Variants in SLC38A7 observed in about 807,000 individuals in gnomAD.
SLC38A7 encodes the protein sodium-coupled neutral amino acid transporter 7.
In SLC38A7, 29 loss-of-function variants were observed where a neutral mutation model predicts 50.1. The ratio of observed to expected loss-of-function variants is 0.58; its 90% CI spans 0.43 to 0.79. The LOEUF (loss-of-function observed/expected upper bound fraction) is 0.79, where lower values mean the gene tolerates loss of function less well. Ranked by LOEUF, SLC38A7 falls within the 30% of genes least tolerant of loss-of-function variation. SLC38A7 has a pLI of 0.00. For missense variants in SLC38A7, 483 were observed against 610.6 expected, an observed-to-expected ratio of 0.79 and a Z score of 2.20; for synonymous variants, 244 against 245.9, an observed-to-expected ratio of 0.99 and a Z score of 0.07.
chr16:58,678,879 T>C lies in SLC38A7; in HGVS notation c.286A>G (p.Ile96Val), dbSNP rs775089580. The change falls in exon 4 of 12, where the codon ATC becomes GTC. Residue 96 changes from isoleucine (I) to valine (V), a missense_variant. Physicochemically the swap from Ile to Val is conservative, Grantham distance 29. Coordinates refer to ENST00000219320, the MANE Select transcript of SLC38A7 (RefSeq NM_018231.3). The surrounding 1 kb of genome is among the most constrained non-coding windows in gnomAD (Gnocchi z 4.0). ...IALQMGMLVFIISGLVILAYC... is the reference protein window; with the variant it reads ...IALQMGMLVFVISGLVILAYC... Reference sequence around the variant, plus strand: ...GCCAGGATGACAAGGCCACTGATGATGAAAACCAGCATACCCTGCAGGCAG... The same window carrying C: ...GCCAGGATGACAAGGCCACTGATGACGAAAACCAGCATACCCTGCAGGCAG... The C allele has an allele frequency of 1.9e-6, 3 of 1,613,446 alleles. No individual in the cohort carries two copies. In the African/African-American group the frequency reaches 4.0e-5, roughly 22 times the overall value.
At position 58,678,253 on chromosome 16, in the gene SLC38A7, G is replaced by C; in HGVS notation, c.611+80C>G. On this transcript the variant is annotated intron_variant, in intron 5 of 11. Coordinates refer to ENST00000219320, the MANE Select transcript of SLC38A7 (RefSeq NM_018231.3). The surrounding 1 kb of genome is among the most constrained non-coding windows in gnomAD (Gnocchi z 4.0). Reference sequence around the variant, plus strand: ...CCCCAAGGTGAGGTGGCATGGAGGAGCAGGGTTCCCCAGGAGCCCTTGGGT... The same window carrying C: ...CCCCAAGGTGAGGTGGCATGGAGGACCAGGGTTCCCCAGGAGCCCTTGGGT... 1 of 1,422,446 alleles carries C rather than the reference G, an allele frequency of 7.0e-7. No individual in the cohort carries two copies. Among genetic ancestry groups the C allele is most frequent in the Non-Finnish European group, 9.3e-7 (1 of 1,075,786 alleles). The allele number at this position is 1,422,446 out of a possible 1,614,324, so 88.1% of individuals were successfully genotyped here.
chr16:58,670,893 G>T, intron 10 of SLC38A7, 152 bp downstream of exon 10: 1 of 788,782 alleles, frequency 1.3e-6, no homozygotes, highest in Non-Finnish European at 2.1e-6. Context: ...GATAATGCTT[G>T]GATAGGGGCT....
intron 8 of SLC38A7, among the ~76,000 whole-genome samples, chr16:58,672,638 C>T (rs563264845): frequency 2.6e-5 from 4 of 152,214 alleles, no homozygotes; most frequent in Admixed American, 6.5e-5. Context: ...TCTCACATCA[C>T]GCTGTCTTAT....
At chr16:58,673,455 C>T (rs1034136185) in intron 8 of SLC38A7, among the ~76,000 whole-genome samples, 4 of 151,928 alleles carry the variant, frequency 2.6e-5, no homozygotes, top group African/African-American at 4.8e-5. Flanking sequence ...AGGCTGGTCT[C>T]GAACTCCTGA....
At chr16:58,684,284 C>T (rs146807074) in intron 1 of SLC38A7, 106 bp from the exon 2 acceptor site, 1,808 of 152,528 alleles carry the variant, frequency 0.012, 15 homozygotes, top group Non-Finnish European at 0.017. Context: ...CATGCTCAGG[C>T]CAGCGATGTA....
intron 9 of SLC38A7, chr16:58,671,523 C>G (rs2044158906): frequency 3.7e-6 from 2 of 539,818 alleles, no homozygotes; most frequent in African/African-American, 3.8e-5. Flanking sequence ...GGGAGGGTGT[C>G]CATGTGAAAG....
intron 9 of SLC38A7, 196 bp from the exon 10 acceptor site, chr16:58,671,440 A>G (rs992574663): frequency 4.9e-6 from 3 of 606,344 alleles, no homozygotes; most frequent in Non-Finnish European, 8.7e-6. Flanking sequence ...TCGAGAGCTT[A>G]GCACTTTGCT....
At chr16:58,670,016 C>A in intron 11 of SLC38A7, 97 bp downstream of exon 11, 2 of 1,040,868 alleles carry the variant, frequency 1.9e-6, no homozygotes, top group Middle Eastern at 2.1e-4. Context: ...TTTCTAAGTA[C>A]ACAAGCCTCT....
intron 11 of SLC38A7, 63 bp downstream of exon 11, chr16:58,670,050 C>G: frequency 1.3e-6 from 2 of 1,506,016 alleles, no homozygotes; most frequent in Non-Finnish European, 1.8e-6. Flanking sequence ...TTTAAGGCCC[C>G]CACAAAGCCA....
chr16:58,678,951 C>T lies in SLC38A7; in HGVS notation c.271-57G>A, dbSNP rs1412310662. 1 of 1,559,868 alleles carries T rather than the reference C, an allele frequency of 6.4e-7. No homozygotes were observed. Among genetic ancestry groups the T allele is most frequent in the African/African-American group, 1.3e-5 (1 of 74,074 alleles). On this transcript the variant is annotated intron_variant, in intron 3 of 11. Transcript: ENST00000219320. The surrounding 1 kb of genome is among the most constrained non-coding windows in gnomAD (Gnocchi z 4.0). ...CAAAGGCCTGGCAGCAGAGGGCACC[C>T]TGGGCTCGCCTAGCATTTACTGGGC...
Position 58,678,677 on chromosome 16 carries a change from G to A in SLC38A7, c.469+19C>T. ...GGCTGATAAGAAGAGATGGGGTAGGGACTGAGGGAGAAGCTCACTCTTGTC... is the reference window on the plus strand; with the variant it reads ...GGCTGATAAGAAGAGATGGGGTAGGAACTGAGGGAGAAGCTCACTCTTGTC... On this transcript the variant is annotated intron_variant, in intron 4 of 11. Transcript: ENST00000219320. This position sits in a 1 kb window ranked among gnomAD's most constrained non-coding sequence, Gnocchi z 4.0. 6.2e-7 allele frequency: 1 copy of A among 1,612,488 alleles called. No individual in the cohort carries two copies. Among genetic ancestry groups the A allele is most frequent in the Non-Finnish European group, 8.5e-7 (1 of 1,179,266 alleles).
At chr16:58,675,796 G>C (rs544510731) in intron 8 of SLC38A7, 144 bp downstream of exon 8, 11 of 632,068 alleles carry the variant, frequency 1.7e-5, no homozygotes, top group African/African-American at 1.6e-4. Flanking sequence ...GGAGGCTCCA[G>C]GCAGGCCAAG....
chr16:58,679,166 A>C (rs2044332544), intron 3 of SLC38A7, among the ~76,000 whole-genome samples: 1 of 152,174 alleles, frequency 6.6e-6, no homozygotes, highest in Non-Finnish European at 1.5e-5. Context: ...CTGAGGCAGG[A>C]GGATCACTTG....
chr16:58,671,783 G>GGATTATTAAAAAA, intron 9 of SLC38A7: 1 of 237,818 alleles, frequency 4.2e-6, no homozygotes. Context: ...TTGCCCAGGT[G>GGATTATTAAAAAA]GTCTTGAACT....
Position 58,671,049 on chromosome 16 carries a change from G to T in SLC38A7, c.1227C>A (p.Phe409Leu), listed in dbSNP as rs781186126. The T allele has an allele frequency of 5.6e-6, 9 of 1,595,184 alleles. No individual in the cohort carries two copies. The highest frequency in any genetic ancestry group is 6.8e-6 in the Non-Finnish European group (8 of 1,171,738). ...GGLAACFIFV[F>L]PGLCLIQAKL... ...TGGGGCGCCAGGGGTCCGCACCTGG[G>T]AAGACGAAGATGAAGCAGGCGGCCA... The change falls in exon 10 of 12, where the codon TTC (phenylalanine) becomes TTA (leucine). Residue 409 changes from phenylalanine (F) to leucine (L), a missense_variant. Transcript: ENST00000219320.
chr16:58,679,894 G>A lies in SLC38A7; in HGVS notation c.233C>T (p.Thr78Ile), dbSNP rs7191331. The A allele has an allele frequency of 0.18, 296,720 of 1,613,536 alleles. 29,094 individuals are homozygous for A. The highest frequency in any genetic ancestry group is 0.2 in the Non-Finnish European group (236,458 of 1,179,704). ...GLLNFPAAFS[T>I]AGGVAAGIAL... ...GATGCCTGCTGCCACGCCCCCCGCA[G>A]TGCTGAAGGCTGCTGGGAAGTTGAG... Residue 78 changes from threonine to isoleucine, a missense_variant, in exon 3 of 12, where the codon ACT (threonine) becomes ATT (isoleucine). Physicochemically the swap from Thr to Ile is moderately conservative, Grantham distance 89. Transcript: ENST00000219320.
chr16:58,679,826 G>A, intron 3 of SLC38A7, 31 bp downstream of exon 3: 1 of 1,611,646 alleles, frequency 6.2e-7, no homozygotes, highest in Non-Finnish European at 8.5e-7. Flanking sequence ...CAACTGAACT[G>A]CACCTCTGCC....
Position 58,667,386 on chromosome 16 carries a change from T to C in SLC38A7, c.1388A>G (p.Ter463=). The change falls in exon 12 of 12, where the codon TAA becomes TGA. Residue 463 remains the stop codon, a stop_retained_variant. Coordinates refer to ENST00000219320, the MANE Select transcript of SLC38A7 (RefSeq NM_018231.3). ...ANAIFVDLLA[*] ...CTTGTGTTCCCTGGGAGGCAGTGGT[T>C]ATGCCAAGAGATCCACAAAGATGGC... 1 of 1,614,024 alleles carries C rather than the reference T, an allele frequency of 6.2e-7. No individual in the cohort carries two copies. The highest frequency in any genetic ancestry group is 1.1e-5 in the South Asian group (1 of 91,072).
intron 11 of SLC38A7, 79 bp downstream of exon 11, chr16:58,670,034 A>G: frequency 7.9e-7 from 1 of 1,271,912 alleles, no homozygotes; most frequent in African/African-American, 1.5e-5. Flanking sequence ...TCTGACTCCT[A>G]TCTGTTTTAA....
Sources: allele counts gnomAD v4.1 joint callset (sites outside exome capture counted in the v4.1 genomes callset), GRCh38; gene constraint gnomAD v4.1.1; non-coding constraint Gnocchi (gnomAD v3.1); transcripts MANE v1.5; gene names NCBI Gene and HGNC (gene_info 2026-07-23, HGNC 2026-07-21).